Variants in SLFN12L observed in about 807,000 individuals in gnomAD.
SLFN12L encodes the protein schlafen family member 12-like.
SLFN12L carries 34 observed loss-of-function variants against 34.8 expected under a neutral mutation model. That is an observed-to-expected ratio of 0.98 (90% confidence interval 0.74 to 1.30). The LOEUF is 1.30. Among genes scored for constraint, SLFN12L ranks in the 50% most tolerant of loss-of-function variants. SLFN12L has a pLI of 0.00. For missense variants in SLFN12L, 703 were observed against 696.2 expected, an observed-to-expected ratio of 1.01 and a Z score of -0.11; for synonymous variants, 259 against 247.5, an observed-to-expected ratio of 1.05 and a Z score of -0.44.
chr17:35,478,584 G>T (rs1015328476), intron 3 of SLFN12L: 1 of 180,660 alleles, frequency 5.5e-6, no homozygotes, highest in South Asian at 1.3e-4. Context: ...TGCTAGTTCT[G>T]GTCTAATCTC....
intron 2 of SLFN12L, chr17:35,498,361 AC>A: frequency 9.5e-7 from 1 of 1,049,432 alleles, no homozygotes; most frequent in Middle Eastern, 2.6e-4. Flanking sequence ...CTCACGGTAC[AC>A]AGAGAATCTC....
At chr17:35,519,197 G>C (rs1328643917) in intron 2 of SLFN12L, among the ~76,000 whole-genome samples, 1 of 152,104 alleles carries the variant, frequency 6.6e-6, no homozygotes, top group African/African-American at 2.4e-5. Flanking sequence ...AGAGGGTAGG[G>C]GGGCAAGGAG....
rs776312527 is a variant in SLFN12L, at chr17:35,479,486, G to A, written c.796C>T (p.Gln266Ter). The stretch of plus-strand genomic sequence containing the variant: ...GTATTTGCAAATGCAGAAACATATT[G>A]AGGGAGAATCTCTGTAATTCGTTGT... ...LLQRITEILP[Q>*]YVSAFANTDG... is the part of the protein sequence containing the mutation. The change falls in exon 3 of 5, where the codon CAA (glutamine) becomes TAA (stop). Residue 266 changes from glutamine (Q) to a stop codon, truncating the protein, a stop_gained. Transcript: ENST00000628453. LOFTEE classifies it high-confidence loss of function. 6.2e-7 allele frequency: 1 copy of A among 1,614,024 alleles called. No homozygotes were observed. The highest frequency in any genetic ancestry group is 1.7e-5 in the Admixed American group (1 of 60,010).
chr17:35,532,443 A>C (rs1309468702), intron 1 of SLFN12L, among the ~76,000 whole-genome samples: 1 of 24,616 alleles, frequency 4.1e-5, no homozygotes, highest in African/African-American at 8.6e-5. Flanking sequence ...CTCCATCTCA[A>C]AAAAAAAAAA....
intron 1 of SLFN12L, among the ~76,000 whole-genome samples, chr17:35,537,216 C>T (rs1057460477): frequency 6.6e-6 from 1 of 152,070 alleles, no homozygotes; most frequent in Non-Finnish European, 1.5e-5. Context: ...ATCCCTTCCT[C>T]CCAAGTCTCC....
In SLFN12L at chr17:35,471,126, GT is replaced by G. The variant is rs1913799849; in HGVS notation, c.*3796del. ...AAATAGTGGGGCAATAAACATATGTGTGCATGTGTCTTTTTTTTTTTTTTTC... is the reference window on the plus strand; with the variant it reads ...AAATAGTGGGGCAATAAACATATGTGGCATGTGTCTTTTTTTTTTTTTTTC... On this transcript the variant is annotated 3_prime_UTR_variant, in exon 5 of 5. Coordinates refer to ENST00000628453, the MANE Select transcript of SLFN12L (RefSeq NM_001363830.2). Among the ~76,000 whole-genome samples the G allele has an allele frequency of 7.7e-6, 1 of 129,888 alleles. No individual in the cohort carries two copies. The highest frequency in any genetic ancestry group is 3.2e-5 in the African/African-American group (1 of 30,974). 85.2% of individuals were successfully genotyped at this position (129,888 alleles called of 152,430 possible).
At chr17:35,495,839 G>A (rs1315800687) in intron 2 of SLFN12L, among the ~76,000 whole-genome samples, 1 of 151,750 alleles carries the variant, frequency 6.6e-6, no homozygotes, top group Non-Finnish European at 1.5e-5. Flanking sequence ...GACCCACTGG[G>A]ATGAGGGCAG....
Position 35,479,194 on chromosome 17 carries a change from G to C in SLFN12L, c.1088C>G (p.Ser363Cys). ...AACTCTGTTATCTTTCACGTGCCAG[G>C]AATCAGGCTTTTTAGCAAACACTGC... ...CCAVFAKKPD[S>C]WHVKDNRVKQ... Residue 363 changes from serine (S) to cysteine (C), a missense_variant, in exon 3 of 5, where the codon TCC (serine) becomes TGC (cysteine). By Grantham distance (112) the Ser-to-Cys change is moderately radical (BLOSUM62 -1). Transcript: ENST00000628453. 9 of 1,580,982 alleles carry C rather than the reference G, an allele frequency of 5.7e-6. No homozygotes were observed. The highest frequency in any genetic ancestry group is 6.9e-6 in the Non-Finnish European group (8 of 1,161,848).
intron 2 of SLFN12L, among the ~76,000 whole-genome samples, chr17:35,499,385 C>T (rs546694582): frequency 2.0e-5 from 3 of 152,314 alleles, no homozygotes; most frequent in South Asian, 4.1e-4. Flanking sequence ...CGTAACTTAA[C>T]ATTATTAATG....
intron 1 of SLFN12L, among the ~76,000 whole-genome samples, chr17:35,524,261 C>T (rs970834270): frequency 4.6e-5 from 7 of 152,184 alleles, no homozygotes; most frequent in Non-Finnish European, 1.0e-4. Flanking sequence ...CTCCCTGGGA[C>T]AGAGCACCTG....
rs1410135236 is a variant in SLFN12L, at chr17:35,478,188, A to G, written c.1166-3T>C. 1.3e-6 allele frequency: 2 copies of G among 1,522,020 alleles called. No individual in the cohort carries two copies. Among genetic ancestry groups the G allele is most frequent in the Non-Finnish European group, 1.8e-6 (2 of 1,122,754 alleles). The allele number at this position is 1,522,020 out of a possible 1,614,324, so 94.3% of individuals were successfully genotyped here. ...TGGAGAGGGCAGTTCCTCACATACT[A>G]TGGAATAATGTTAGAAAACAAAAAT... On this transcript the variant is annotated splice_region_variant and splice_polypyrimidine_tract_variant and intron_variant, in intron 3 of 4. Coordinates refer to ENST00000628453, the MANE Select transcript of SLFN12L (RefSeq NM_001363830.2).
At chr17:35,482,184 A>G (rs1240779286) in intron 2 of SLFN12L, among the ~76,000 whole-genome samples, 1 of 152,252 alleles carries the variant, frequency 6.6e-6, no homozygotes, top group Non-Finnish European at 1.5e-5. Flanking sequence ...ATTCTTATAT[A>G]CAAAACACCT....
At chr17:35,509,573 G>C (rs1289320029) in intron 2 of SLFN12L, among the ~76,000 whole-genome samples, 1 of 152,028 alleles carries the variant, frequency 6.6e-6, no homozygotes, top group African/African-American at 2.4e-5. Flanking sequence ...GCATAAATTA[G>C]TTACAGTAGT....
At chr17:35,537,362 G>A (rs28413520) in intron 1 of SLFN12L, among the ~76,000 whole-genome samples, 4,016 of 152,224 alleles carry the variant, frequency 0.026, 181 homozygotes, top group African/African-American at 0.091. Context: ...ACAGTCTAAG[G>A]ACCAGCTCCT....
chr17:35,499,831 T>C (rs1415978692), intron 2 of SLFN12L: 1 of 175,764 alleles, frequency 5.7e-6, no homozygotes, highest in Non-Finnish European at 1.1e-5. Flanking sequence ...CATTTAGTCA[T>C]TGAAAAGGGC....
rs745354356 is a variant in SLFN12L, at chr17:35,486,555, C to T, written c.87-6360G>A. Among the ~76,000 whole-genome samples, 2 of 152,118 alleles carry T rather than the reference C, an allele frequency of 1.3e-5. 1 individual carries two copies. The highest frequency in any genetic ancestry group is 4.1e-4 in the South Asian group (2 of 4,822). ...TAAAACTTTCCATGGTTCAAAACCT[C>T]AGGCTTCAGGCATACATCTGGAACA... On this transcript the variant is annotated intron_variant, in intron 2 of 4. Coordinates refer to ENST00000628453, the MANE Select transcript of SLFN12L (RefSeq NM_001363830.2).
chr17:35,514,794 C>T, intron 2 of SLFN12L: 1 of 397,300 alleles, frequency 2.5e-6, no homozygotes, highest in South Asian at 2.0e-5. Flanking sequence ...GGCCAAGCGC[C>T]AGCACTTACA....
At chr17:35,532,969 C>T (rs2072426132) in intron 1 of SLFN12L, among the ~76,000 whole-genome samples, 1 of 152,042 alleles carries the variant, frequency 6.6e-6, no homozygotes, top group Non-Finnish European at 1.5e-5. Flanking sequence ...TTGTTTGACA[C>T]ACAAAAAATG....
chr17:35,535,935 C>T (rs1457587484), intron 1 of SLFN12L, among the ~76,000 whole-genome samples: 1 of 151,906 alleles, frequency 6.6e-6, no homozygotes, highest in East Asian at 1.9e-4. Flanking sequence ...GGATTACAGG[C>T]GTGAGCCACC....
Sources: allele counts gnomAD v4.1 joint callset (sites outside exome capture counted in the v4.1 genomes callset), GRCh38; gene constraint gnomAD v4.1.1; transcripts MANE v1.5; gene names NCBI Gene and HGNC (gene_info 2026-07-23, HGNC 2026-07-21).